AUH: variants seen among roughly 807,000 people sequenced by gnomAD.
AUH encodes AU RNA binding methylglutaconyl-CoA hydratase.
In AUH, 29 loss-of-function variants were observed where a neutral mutation model predicts 42.3. The ratio of observed to expected loss-of-function variants is 0.69; its 90% CI spans 0.51 to 0.93. The LOEUF (loss-of-function observed/expected upper bound fraction) is 0.93. AUH is among the 40% of genes least tolerant of loss of function. The pLI is 0.00. For missense variants in AUH, 452 were observed against 438.1 expected, an observed-to-expected ratio of 1.03 and a Z score of -0.28; for synonymous variants, 174 against 166.4, an observed-to-expected ratio of 1.05 and a Z score of -0.35.
intron 4 of AUH, among the ~76,000 whole-genome samples, chr9:91,318,707 C>G (rs1222673117): frequency 6.6e-6 from 1 of 152,224 alleles, no homozygotes; most frequent in Non-Finnish European, 1.5e-5. Context: ...GGCCCCTTCA[C>G]CAGATGGAAC....
At chr9:91,230,400 TC>T (rs1438455613) in intron 6 of AUH, among the ~76,000 whole-genome samples, 1 of 151,804 alleles carries the variant, frequency 6.6e-6, no homozygotes, top group African/African-American at 2.4e-5. Flanking sequence ...GGTTTTCAGC[TC>T]CATCAGCTCC....
At chr9:91,291,729 T>G (rs537310885) in intron 6 of AUH, among the ~76,000 whole-genome samples, 15 of 152,238 alleles carry the variant, frequency 9.9e-5, no homozygotes, top group Admixed American at 3.9e-4. Flanking sequence ...ACTCTTTTAA[T>G]GATAAGGTTA....
chr9:91,227,421 G>T (rs1361689826), intron 6 of AUH, among the ~76,000 whole-genome samples: 2 of 119,668 alleles, frequency 1.7e-5, no homozygotes, highest in Non-Finnish European at 3.5e-5. Context: ...AGACTTTGCT[G>T]AAGTTGCTTA....
intron 4 of AUH, among the ~76,000 whole-genome samples, chr9:91,306,740 G>A (rs1828253903): frequency 2.6e-5 from 4 of 152,182 alleles, no homozygotes; most frequent in Admixed American, 2.6e-4. Context: ...GAACTTGACA[G>A]TCTCACCATC....
At chr9:91,217,387 T>G in intron 7 of AUH, 60 bp from the exon 8 acceptor site, 2 of 1,541,376 alleles carry the variant, frequency 1.3e-6, no homozygotes, top group South Asian at 2.2e-5. Flanking sequence ...ATGTCGTATA[T>G]CTCAGTAAAA....
chr9:91,350,636 G>GT lies in AUH; in HGVS notation c.418+5246dup. ...TAGCTGGGCATTGCAGCAGGTGCCT[G>GT]TAATCCCAGCTACTCGGGAGGCTGA... On this transcript the variant is annotated intron_variant, in intron 3 of 9. Transcript: ENST00000375731. 1.3e-5 allele frequency among the ~76,000 whole-genome samples: 2 copies of GT among 152,030 alleles called. 1 individual carries two copies. Among genetic ancestry groups the GT allele is most frequent in the East Asian group, 3.9e-4 (2 of 5,178 alleles).
intron 9 of AUH, 35 bp downstream of exon 9, chr9:91,216,024 G>T: frequency 6.3e-7 from 1 of 1,576,836 alleles, no homozygotes; most frequent in Non-Finnish European, 8.7e-7. Flanking sequence ...ATTTGTAAGG[G>T]TCATCCTCAT....
intron 6 of AUH, among the ~76,000 whole-genome samples, chr9:91,249,114 T>C (rs887490335): frequency 1.3e-5 from 2 of 151,598 alleles, no homozygotes; most frequent in Admixed American, 6.6e-5. Context: ...CTAGGAAACA[T>C]GGCACAACCC....
intron 3 of AUH, among the ~76,000 whole-genome samples, chr9:91,331,940 G>A (rs75062481): frequency 0.11 from 17,099 of 152,110 alleles, 1,065 homozygotes; most frequent in African/African-American, 0.16. Context: ...GGGTGTTAAC[G>A]TCCCCTTGAG....
At chr9:91,298,711 A>G (rs144259315) in intron 4 of AUH, among the ~76,000 whole-genome samples, 2 of 152,360 alleles carry the variant, frequency 1.3e-5, no homozygotes, top group East Asian at 3.9e-4. Flanking sequence ...TCACAGAACT[A>G]AAAGCTCAAC....
chr9:91,297,839 C>T, intron 5 of AUH, 145 bp downstream of exon 5: 5 of 708,462 alleles, frequency 7.1e-6, no homozygotes, highest in South Asian at 1.7e-5. Context: ...GTGGGAATTT[C>T]GAAAACACCA....
chr9:91,323,578 G>A (rs978944754), intron 4 of AUH, among the ~76,000 whole-genome samples: 13 of 151,044 alleles, frequency 8.6e-5, no homozygotes, highest in African/African-American at 2.4e-4. Flanking sequence ...AGCTGAGATC[G>A]TGCCACTGCA....
chr9:91,326,085 AAAG>A (rs1052489482), intron 3 of AUH, among the ~76,000 whole-genome samples: 3 of 152,240 alleles, frequency 2.0e-5, no homozygotes, highest in Non-Finnish European at 4.4e-5. Context: ...CTCTGAGAAC[AAAG>A]AAGATCTTTA....
intron 6 of AUH, among the ~76,000 whole-genome samples, chr9:91,292,355 T>C (rs1266823922): frequency 1.3e-5 from 2 of 149,452 alleles, no homozygotes; most frequent in Non-Finnish European, 3.0e-5. Flanking sequence ...CTCGGCTCAC[T>C]GCAATTTCCA....
chr9:91,314,123 C>T (rs1169056256), intron 4 of AUH, among the ~76,000 whole-genome samples: 1 of 152,046 alleles, frequency 6.6e-6, no homozygotes, highest in African/African-American at 2.4e-5. Context: ...TGTGCCTGCC[C>T]ATAAACGCAT....
intron 4 of AUH, among the ~76,000 whole-genome samples, chr9:91,311,040 G>A (rs1314470843): frequency 1.3e-5 from 2 of 152,176 alleles, no homozygotes; most frequent in East Asian, 3.9e-4. Context: ...GAGAAGCACT[G>A]CTTGAAAAGA....
chr9:91,216,647 A>C (rs1826836860), intron 8 of AUH, among the ~76,000 whole-genome samples: 3 of 152,210 alleles, frequency 2.0e-5, no homozygotes, highest in African/African-American at 7.2e-5. Context: ...GAAGATGCGG[A>C]GGTTCCTTAG....
chr9:91,259,055 T>C (rs1200506936), intron 6 of AUH, among the ~76,000 whole-genome samples: 1 of 152,208 alleles, frequency 6.6e-6, no homozygotes, highest in Non-Finnish European at 1.5e-5. Flanking sequence ...AGTCTGGAAG[T>C]ATGCTCTCTA....
At chr9:91,274,764 A>G (rs752452274) in intron 6 of AUH, among the ~76,000 whole-genome samples, 69 of 152,198 alleles carry the variant, frequency 4.5e-4, no homozygotes, top group Non-Finnish European at 9.3e-4. Flanking sequence ...AAATATATAA[A>G]ATTAAAGCAT....
Sources: gnomAD v4.1 joint callset for allele counts (sites outside exome capture counted in the v4.1 genomes callset) on GRCh38, gnomAD v4.1.1 for gene constraint, MANE v1.5 for transcripts, NCBI Gene and HGNC (gene_info 2026-07-23, HGNC 2026-07-21) for gene names.